The following XRN1 variants were observed in gnomAD, a reference collection of about 807,000 sequenced individuals.
XRN1 encodes the protein strand-exchange protein 1 homolog.
XRN1 carries 67 observed loss-of-function variants against 222.3 expected under a neutral mutation model. That is an observed-to-expected ratio of 0.30 (90% CI 0.25 to 0.37). The LOEUF (loss-of-function observed/expected upper bound fraction) is 0.37. Ranked by LOEUF, XRN1 falls within the 10% of genes least tolerant of loss-of-function variation. The pLI, the probability that XRN1 is intolerant of heterozygous loss-of-function variation, is 1.00. For synonymous variants in XRN1, 643 were observed against 652.4 expected, an observed-to-expected ratio of 0.99 and a Z score of 0.22; for missense variants, 1,707 against 2,000.2, an observed-to-expected ratio of 0.85 and a Z score of 2.80.
At chr3:142,352,375 T>C (rs2066333513) in intron 32 of XRN1, among the ~76,000 whole-genome samples, 1 of 152,210 alleles carries the variant, frequency 6.6e-6, no homozygotes, top group Admixed American at 6.5e-5. Flanking sequence ...AAATAATTTA[T>C]AGATAACCTA....
At chr3:142,349,336 A>G (rs997041214) in intron 32 of XRN1, among the ~76,000 whole-genome samples, 1 of 152,102 alleles carries the variant, frequency 6.6e-6, no homozygotes, top group Non-Finnish European at 1.5e-5. Context: ...GGACTACAGC[A>G]GTACATTATG....
chr3:142,427,789 C>A lies in XRN1; in HGVS notation c.309-948G>T, dbSNP rs74964826. ...TACCTGCCTGACTTCTACTGCCACCCCTTTGCAGCGTACCAGCATGCCACA... is the reference window on the plus strand; with the variant it reads ...TACCTGCCTGACTTCTACTGCCACCACTTTGCAGCGTACCAGCATGCCACA... On this transcript the variant is annotated intron_variant, in intron 2 of 40. Transcript: ENST00000392981. Among the ~76,000 whole-genome samples the A allele has an allele frequency of 2.3e-4, 35 of 152,318 alleles. No homozygotes were observed. The East Asian group carries it at 6.7e-3, about 29-fold the overall frequency.
At chr3:142,445,342 T>C (rs1384775399) in intron 1 of XRN1, among the ~76,000 whole-genome samples, 1 of 152,230 alleles carries the variant, frequency 6.6e-6, no homozygotes, top group Admixed American at 6.5e-5. Context: ...GGTTATAATT[T>C]TGGTCTATTT....
intron 1 of XRN1, among the ~76,000 whole-genome samples, chr3:142,434,112 C>T (rs976767534): frequency 7.9e-5 from 12 of 152,106 alleles, no homozygotes; most frequent in Non-Finnish European, 1.5e-5. Flanking sequence ...CAATGAAAAT[C>T]TCAGTGTGAC....
At chr3:142,428,312 T>C (rs1186987657) in intron 2 of XRN1, among the ~76,000 whole-genome samples, 2 of 149,834 alleles carry the variant, frequency 1.3e-5, no homozygotes, top group African/African-American at 4.9e-5. Context: ...GGAGATTCGC[T>C]TGAACCCAGG....
intron 1 of XRN1, among the ~76,000 whole-genome samples, chr3:142,433,663 T>G (rs535367515): frequency 6.6e-6 from 1 of 152,212 alleles, no homozygotes; most frequent in African/African-American, 2.4e-5. Flanking sequence ...CAAATACACA[T>G]TAAGATGGAA....
At chr3:142,384,724 A>G (rs777275004) in intron 20 of XRN1, 39 bp from the exon 21 acceptor site, 50 of 1,434,174 alleles carry the variant, frequency 3.5e-5, no homozygotes, top group Non-Finnish European at 4.6e-5. Flanking sequence ...CATATGAATG[A>G]GTATGCAGAT....
rs2065053998 is a variant in XRN1, at chr3:142,310,614, G to A, written c.*897C>T. ...TCAGTCCCAAGAAGCACTACATACC[G>A]ACCAACTATGAAGCTCTCATAAAAT... On this transcript the variant is annotated 3_prime_UTR_variant, in exon 41 of 41. Transcript: ENST00000392981. 6.6e-6 allele frequency: 1 copy of A among 152,438 alleles called. No homozygotes were observed. Among genetic ancestry groups the A allele is most frequent in the Admixed American group, 6.6e-5 (1 of 15,246 alleles). 9.4% of individuals were successfully genotyped at this position (152,438 alleles called of 1,614,324 possible).
rs577252001 is a variant in XRN1, at chr3:142,405,987, T to C, written c.1714-911A>G. Among the ~76,000 whole-genome samples the C allele has an allele frequency of 1.2e-4, 19 of 152,120 alleles. No homozygotes were observed. The East Asian group carries it at 3.3e-3, about 26-fold the overall frequency. ...ATAATGTATATGACAGAAGATGCCATATACAAATCAAGAGACAGATGTGAT... is the reference window on the plus strand; with the variant it reads ...ATAATGTATATGACAGAAGATGCCACATACAAATCAAGAGACAGATGTGAT... On this transcript the variant is annotated intron_variant, in intron 15 of 40. Transcript: ENST00000392981.
rs550157020 is a variant in XRN1 at position 142,339,885 on chromosome 3, G to C, written c.3878-4376C>G. 2.6e-5 allele frequency among the ~76,000 whole-genome samples: 4 copies of C among 152,244 alleles called. No homozygotes were observed. In the East Asian group the frequency reaches 7.7e-4, roughly 29 times the overall value. Reference sequence around the variant, plus strand: ...TCAAAGAAATTCTAGATAACACAGAGAAAGAATCAGAATTCTATCAGATAC... The same window carrying C: ...TCAAAGAAATTCTAGATAACACAGACAAAGAATCAGAATTCTATCAGATAC... On this transcript the variant is annotated intron_variant, in intron 33 of 40. Coordinates refer to ENST00000392981, the MANE Select transcript of XRN1 (RefSeq NM_001282857.2).
chr3:142,316,235 T>TTG (rs1560280116), intron 39 of XRN1, among the ~76,000 whole-genome samples: 2 of 147,908 alleles, frequency 1.4e-5, no homozygotes, highest in African/African-American at 2.5e-5. Context: ...TTTTTTTTTT[T>TTG]GAGACAGGTC....
intron 30 of XRN1, 27 bp downstream of exon 30, chr3:142,359,835 G>C (rs184586540): frequency 7.3e-6 from 11 of 1,509,720 alleles, no homozygotes; most frequent in Non-Finnish European, 9.1e-6. Flanking sequence ...TATTCACAAA[G>C]GGCAATTATC....
At chr3:142,312,158 C>G (rs1311897781) in intron 40 of XRN1, among the ~76,000 whole-genome samples, 5 of 151,930 alleles carry the variant, frequency 3.3e-5, no homozygotes, top group Admixed American at 2.6e-4. Context: ...ATGCCTGTAG[C>G]CTCAGGTACT....
chr3:142,394,164 A>G (rs2067841087), intron 20 of XRN1, among the ~76,000 whole-genome samples: 1 of 151,754 alleles, frequency 6.6e-6, no homozygotes. Flanking sequence ...TACTTTCTTC[A>G]CTTCTCCCTC....
chr3:142,348,210 A>G (rs1405486085), intron 32 of XRN1, among the ~76,000 whole-genome samples: 3 of 152,132 alleles, frequency 2.0e-5, no homozygotes, highest in Non-Finnish European at 4.4e-5. Context: ...GTTTTAAAAA[A>G]TTTATCATTT....
At chr3:142,358,226 T>G (rs552319650) in intron 30 of XRN1, among the ~76,000 whole-genome samples, 151 of 152,274 alleles carry the variant, frequency 9.9e-4, no homozygotes, top group Admixed American at 1.3e-3. Context: ...AGCCCTTTTT[T>G]CCCTCATTTT....
chr3:142,341,194 G>A (rs2065983310), intron 33 of XRN1, among the ~76,000 whole-genome samples: 2 of 152,026 alleles, frequency 1.3e-5, no homozygotes, highest in Non-Finnish European at 2.9e-5. Context: ...TTTTCTTTTT[G>A]TTTATGCAAG....
At position 142,383,418 on chromosome 3, in the gene XRN1, A is replaced by G; in HGVS notation, c.2503-5T>C. The stretch of plus-strand genomic sequence containing the variant: ...GGAGTCGAAAGCTCGGATGTCCTAC[A>G]TAAAATAAAAGTAAATAATCTTAGT... On this transcript the variant is annotated splice_polypyrimidine_tract_variant and splice_region_variant and intron_variant, in intron 21 of 40. Transcript: ENST00000392981. 1 of 1,603,392 alleles carries G rather than the reference A, an allele frequency of 6.2e-7. No homozygotes were observed. The highest frequency in any genetic ancestry group is 1.1e-5 in the South Asian group (1 of 90,000).
rs190529598 is a variant in XRN1, at chr3:142,389,264, G to A, written c.2340-4579C>T. Among the ~76,000 whole-genome samples, 25 of 152,202 alleles carry A rather than the reference G, an allele frequency of 1.6e-4. 1 individual carries two copies. The highest frequency in any genetic ancestry group is 1.5e-4 in the Non-Finnish European group (10 of 67,984). On this transcript the variant is annotated intron_variant, in intron 20 of 40. Coordinates refer to ENST00000392981, the MANE Select transcript of XRN1 (RefSeq NM_001282857.2). ...TCCTCATCCATTCAAGTTTTATCAT[G>A]AGAAAGCAGCAATTCATTTCCATCT...
Sources: allele counts gnomAD v4.1 joint callset (sites outside exome capture counted in the v4.1 genomes callset), GRCh38; gene constraint gnomAD v4.1.1; transcripts MANE v1.5; gene names NCBI Gene and HGNC (gene_info 2026-07-23, HGNC 2026-07-21).